Variants in OSBPL11 observed in about 807,000 individuals in gnomAD.
OSBPL11 encodes oxysterol-binding protein-related protein 11.
A neutral mutation model predicts 84.4 loss-of-function variants in OSBPL11; 33 were observed. That is an observed-to-expected ratio of 0.39 (90% CI 0.30 to 0.52). OSBPL11 has a LOEUF of 0.52. Ranked by LOEUF, OSBPL11 falls within the 20% of genes least tolerant of loss-of-function variation. The pLI is 0.72. For missense variants in OSBPL11, 736 were observed against 901.1 expected (o/e 0.82, Z 2.35); for synonymous variants, 276 against 310.2 (o/e 0.89, Z 1.16).
chr3:125,580,059 A>G lies in OSBPL11; in HGVS notation c.234-19T>C. The G allele has an allele frequency of 6.3e-7, 1 of 1,596,190 alleles. No homozygotes were observed. ...AAAAAACCTGTAATGATTTTTTAAA[A>G]TCCATAATTTGTAAACATTTTCCCT... On this transcript the variant is annotated intron_variant, in intron 2 of 12. Coordinates refer to ENST00000296220, the MANE Select transcript of OSBPL11 (RefSeq NM_022776.5).
intron 8 of OSBPL11, among the ~76,000 whole-genome samples, chr3:125,559,080 C>A (rs965541950): frequency 6.6e-6 from 1 of 152,178 alleles, no homozygotes; most frequent in Non-Finnish European, 1.5e-5. Context: ...TTGTCTATGG[C>A]TGTTTTTATA....
At chr3:125,569,016 C>T (rs1311704818) in intron 5 of OSBPL11, among the ~76,000 whole-genome samples, 1 of 152,100 alleles carries the variant, frequency 6.6e-6, no homozygotes, top group African/African-American at 2.4e-5. Flanking sequence ...GGTGCAATCA[C>T]GGCTCACTGT....
Position 125,546,908 on chromosome 3 carries a change from A to G in OSBPL11, c.1841+498T>C, listed in dbSNP as rs563314199. Among the ~76,000 whole-genome samples the G allele has an allele frequency of 2.6e-5, 4 of 152,268 alleles. No individual in the cohort carries two copies. In the South Asian group the frequency reaches 8.3e-4, roughly 32 times the overall value. On this transcript the variant is annotated intron_variant, in intron 10 of 12. Coordinates refer to ENST00000296220, the MANE Select transcript of OSBPL11 (RefSeq NM_022776.5). Reference sequence around the variant, plus strand: ...TCTCAAAAAAACAAATGACAAAAAAAAAAAATGCATCAATATCATTGACAA... The same window carrying G: ...TCTCAAAAAAACAAATGACAAAAAAGAAAAATGCATCAATATCATTGACAA...
chr3:125,588,153 C>T (rs542095877), intron 1 of OSBPL11, among the ~76,000 whole-genome samples: 8 of 143,974 alleles, frequency 5.6e-5, no homozygotes, highest in African/African-American at 1.8e-4. Context: ...AACTGGGAGG[C>T]GGAGGTTTCA....
intron 1 of OSBPL11, among the ~76,000 whole-genome samples, chr3:125,591,368 T>A (rs138447646): frequency 2.0e-5 from 3 of 152,182 alleles, no homozygotes; most frequent in Non-Finnish European, 4.4e-5. Flanking sequence ...TTCACCTCAG[T>A]GCTTAGGTTA....
intron 8 of OSBPL11, among the ~76,000 whole-genome samples, chr3:125,555,198 C>T (rs921839934): frequency 6.6e-6 from 1 of 152,150 alleles, no homozygotes. Flanking sequence ...CCTTGAACAT[C>T]GGACTCCAAG....
intron 10 of OSBPL11, among the ~76,000 whole-genome samples, chr3:125,541,221 C>A (rs1012112571): frequency 7.9e-5 from 12 of 152,124 alleles, no homozygotes; most frequent in Non-Finnish European, 1.6e-4. Context: ...CCATCCTTGC[C>A]CCTCCCCAAG....
intron 2 of OSBPL11, among the ~76,000 whole-genome samples, 170 bp downstream of exon 2, chr3:125,582,740 T>C (rs929729861): frequency 3.3e-5 from 5 of 152,204 alleles, no homozygotes; most frequent in Non-Finnish European, 5.9e-5. Context: ...AGATGTCAAC[T>C]TTTCCCACCC....
intron 1 of OSBPL11, among the ~76,000 whole-genome samples, chr3:125,591,805 G>A (rs1175767767): frequency 1.3e-5 from 2 of 152,078 alleles, no homozygotes; most frequent in African/African-American, 4.8e-5. Flanking sequence ...AGTTAAATAT[G>A]AGCCTGGGCA....
chr3:125,559,441 C>A (rs976616761), intron 8 of OSBPL11, among the ~76,000 whole-genome samples: 1 of 151,984 alleles, frequency 6.6e-6, no homozygotes, highest in Admixed American at 6.6e-5. Context: ...CAGACTGGAG[C>A]GCAGTGGCAC....
chr3:125,541,906 A>G (rs996811793), intron 10 of OSBPL11, among the ~76,000 whole-genome samples: 5 of 152,146 alleles, frequency 3.3e-5, no homozygotes, highest in African/African-American at 1.2e-4. Context: ...GTTAGTAAAT[A>G]ATAGAGTCAG....
At chr3:125,550,547 A>G (rs1431753852) in intron 9 of OSBPL11, among the ~76,000 whole-genome samples, 1 of 152,254 alleles carries the variant, frequency 6.6e-6, no homozygotes, top group African/African-American at 2.4e-5. Flanking sequence ...TACTTTCTTC[A>G]TAACGACTAT....
chr3:125,563,818 T>C lies in OSBPL11; in HGVS notation c.894A>G (p.Pro298=). The C allele has an allele frequency of 3.7e-6, 6 of 1,614,166 alleles. No homozygotes were observed. The highest frequency in any genetic ancestry group is 5.1e-6 in the Non-Finnish European group (6 of 1,180,024). ...TATAGTGGTTTGATAAAGATATCTTTGGTTCTAACCACTCGATTGTCGTTC... is the reference window on the plus strand; with the variant it reads ...TATAGTGGTTTGATAAAGATATCTTCGGTTCTAACCACTCGATTGTCGTTC... ...PSGTTIEWLE[P]KISLSNHYKN... Residue 298 remains proline (P), a synonymous_variant, in exon 7 of 13, where the codon CCA becomes CCG. Coordinates refer to ENST00000296220, the MANE Select transcript of OSBPL11 (RefSeq NM_022776.5).
chr3:125,534,425 A>T (rs1935608940), intron 11 of OSBPL11, among the ~76,000 whole-genome samples: 1 of 151,980 alleles, frequency 6.6e-6, no homozygotes, highest in Non-Finnish European at 1.5e-5. Context: ...GACAGAACAT[A>T]TTCAGAATCA....
Position 125,574,270 on chromosome 3 carries a change from G to GA in OSBPL11, c.666+1918dup, listed in dbSNP as rs777071678. Among the ~76,000 whole-genome samples the GA allele has an allele frequency of 5.6e-3, 666 of 119,118 alleles. 3 individuals carry two copies. The highest frequency in any genetic ancestry group is 0.017 in the Middle Eastern group (4 of 234). The allele number at this position is 119,118 out of a possible 152,430, so 78.1% of individuals were successfully genotyped here. A position where few individuals can be genotyped will look rare whatever the true frequency, so the allele number is the denominator to read the frequency against. ...TTCTTTACCTGCCATGAACTCACAG[G>GA]AAAAAAAAAAAAAAGCCAATTTACT... On this transcript the variant is annotated intron_variant, in intron 5 of 12. Transcript: ENST00000296220.
Position 125,552,510 on chromosome 3 carries a change from C to T in OSBPL11, c.1325G>A (p.Gly442Glu), listed in dbSNP as rs958569469. Reference protein sequence around the residue: ...YLTSFHEGRKGAIAKKPYNPI... With the variant: ...YLTSFHEGRKEAIAKKPYNPI... The stretch of plus-strand genomic sequence containing the variant: ...ATTGTATGGTTTTTTAGCAATGGCT[C>T]CCTTACGGCCTTCATGAAATGAGGT... The change falls in exon 9 of 13, where the codon GGA becomes GAA. Residue 442 changes from glycine (G) to glutamate (E), a missense_variant. By Grantham distance (98) the Gly-to-Glu change is moderately conservative. This residue lies in a region of OSBPL11 where 579 missense variants were observed against 717.6 expected (regional missense o/e 0.81). Transcript: ENST00000296220. 13 of 1,614,184 alleles carry T rather than the reference C, an allele frequency of 8.1e-6. No individual in the cohort carries two copies. Among genetic ancestry groups the T allele is most frequent in the Admixed American group, 1.7e-5 (1 of 60,016 alleles).
At chr3:125,572,856 T>C (rs1000447201) in intron 5 of OSBPL11, among the ~76,000 whole-genome samples, 2 of 145,832 alleles carry the variant, frequency 1.4e-5, no homozygotes, top group Non-Finnish European at 3.0e-5. Context: ...TTTATATATA[T>C]TTATATATTT....
chr3:125,579,309 G>A (rs921900340), intron 3 of OSBPL11, among the ~76,000 whole-genome samples: 2 of 152,094 alleles, frequency 1.3e-5, no homozygotes, highest in Non-Finnish European at 2.9e-5. Context: ...CATAAAAATA[G>A]GTTCTTATTT....
At chr3:125,563,541 T>G (rs1486053826) in intron 7 of OSBPL11, among the ~76,000 whole-genome samples, 157 bp downstream of exon 7, 2 of 152,228 alleles carry the variant, frequency 1.3e-5, no homozygotes, top group African/African-American at 4.8e-5. Flanking sequence ...ATAAGAGACC[T>G]CTTCAAAAAC....
Sources: gnomAD v4.1 joint callset for allele counts (sites outside exome capture counted in the v4.1 genomes callset) on GRCh38, gnomAD v4.1.1 for gene constraint, gnomAD v4.1.1 regional missense constraint, MANE v1.5 for transcripts, NCBI Gene and HGNC (gene_info 2026-07-23, HGNC 2026-07-21) for gene names.